POLE: variants seen among roughly 807,000 people sequenced by gnomAD.
The protein encoded by POLE is DNA polymerase epsilon, catalytic subunit, also known as DNA polymerase epsilon catalytic subunit A.
Under a neutral mutation model 279.2 loss-of-function variants are expected in POLE, and 188 were observed. That is an observed-to-expected ratio of 0.67 (90% confidence interval 0.60 to 0.76). POLE has a LOEUF of 0.76. Among genes scored for constraint, POLE ranks in the 30% least tolerant of loss-of-function variants. POLE has a pLI of 0.00. For synonymous variants in POLE, 1,214 were observed against 1,172.5 expected (o/e 1.04, Z -0.72); for missense variants, 2,703 against 3,016.7 (o/e 0.90, Z 2.44).
rs1398868897 is a variant in POLE, at chr12:132,635,963, G to C, written c.5740C>G (p.Leu1914Val). Residue 1914 changes from leucine to valine, a missense_variant, in exon 42 of 49, where the codon CTT becomes GTT. Coordinates refer to ENST00000320574, the MANE Select transcript of POLE (RefSeq NM_006231.4). ...TISFSRCWEF[L>V]LWMDPSNYGG... is the part of the protein sequence containing the mutation. ...TAGTTAGATGGATCCATCCAGAGAA[G>C]AAATTCCCAGCATCGAGAGAAAGAA... 6.2e-7 allele frequency: 1 copy of C among 1,613,986 alleles called. No individual in the cohort carries two copies. Among genetic ancestry groups the C allele is most frequent in the Non-Finnish European group, 8.5e-7 (1 of 1,179,850 alleles).
intron 45 of POLE, among the ~76,000 whole-genome samples, chr12:132,630,011 G>T (rs537873135): frequency 5.7e-4 from 87 of 152,280 alleles, no homozygotes; most frequent in African/African-American, 2.0e-3. Flanking sequence ...AAGGAGAAAG[G>T]GCGAGATGGC....
intron 12 of POLE, 58 bp from the exon 13 acceptor site, chr12:132,673,765 C>G (rs967102643): frequency 6.2e-7 from 1 of 1,601,498 alleles, no homozygotes; most frequent in East Asian, 2.2e-5. Flanking sequence ...CCGGGAACCC[C>G]TGAGAACTGG....
At position 132,649,846 on chromosome 12, in the gene POLE, G is replaced by A. The variant is rs1593751440; in HGVS notation, c.3626C>T (p.Ala1209Val). The change falls in exon 30 of 49, where the codon GCT (alanine) becomes GTT (valine). Residue 1209 changes from alanine (A) to valine (V), a missense_variant. Ala to Val is a moderately conservative substitution (Grantham distance 64). This residue lies in a region of POLE where 1,551 missense variants were observed against 1,686.1 expected (regional missense o/e 0.92). Coordinates refer to ENST00000320574, the MANE Select transcript of POLE (RefSeq NM_006231.4). ...EASEDSPRPS[A>V]PDMEDFGLVK... ...GAGGCCGAAGTCCTCCATGTCAGGA[G>A]CACTTGGCCTCGGACTGTCTTCTGA... 1 of 1,614,136 alleles carries A rather than the reference G, an allele frequency of 6.2e-7. No homozygotes were observed. The highest frequency in any genetic ancestry group is 1.3e-5 in the African/African-American group (1 of 75,060).
Position 132,668,105 on chromosome 12 carries a change from G to A in POLE, c.2173+251C>T, listed in dbSNP as rs1384276108. Among the ~76,000 whole-genome samples, 2 of 151,788 alleles carry A rather than the reference G, an allele frequency of 1.3e-5. No individual in the cohort carries two copies. The highest frequency in any genetic ancestry group is 4.8e-5 in the African/African-American group (2 of 41,276). ...TTCAAAAAAAAAAAGAAAGAAATAG[G>A]ACAGCCCAGGGGTAGGAACAGGCCA... On this transcript the variant is annotated intron_variant, in intron 19 of 48. Transcript: ENST00000320574. The surrounding 1 kb of genome is among the most constrained non-coding windows in gnomAD (Gnocchi z 4.0).
Position 132,675,605 on chromosome 12 carries a change from C to A in POLE, c.1107-88G>T, listed in dbSNP as rs573951335. 9 of 1,589,464 alleles carry A rather than the reference C, an allele frequency of 5.7e-6. No individual in the cohort carries two copies. The African/African-American group carries it at 1.2e-4, about 21-fold the overall frequency. ...TTCCTCCCTCAGACCCAGGGAGGAA[C>A]CCAGACACGGGAGGTGCAGAGTGAA... On this transcript the variant is annotated intron_variant, in intron 11 of 48. Coordinates refer to ENST00000320574, the MANE Select transcript of POLE (RefSeq NM_006231.4). This position sits in a 1 kb window ranked among gnomAD's most constrained non-coding sequence, Gnocchi z 4.3.
intron 45 of POLE, among the ~76,000 whole-genome samples, chr12:132,630,962 A>G (rs1230440224): frequency 6.6e-6 from 1 of 152,218 alleles, no homozygotes; most frequent in Non-Finnish European, 1.5e-5. Flanking sequence ...AAATGACCTC[A>G]GAGAATTGAA....
At position 132,676,573 on chromosome 12, in the gene POLE, C is replaced by T. The variant is rs774328855; in HGVS notation, c.882G>A (p.Met294Ile). 6.2e-6 allele frequency: 10 copies of T among 1,613,822 alleles called. No individual in the cohort carries two copies. The highest frequency in any genetic ancestry group is 8.5e-6 in the Non-Finnish European group (10 of 1,179,712). ...KFPDAETDQIMMISYMIDGQG... is the reference protein window; with the variant it reads ...KFPDAETDQIIMISYMIDGQG... The stretch of plus-strand genomic sequence containing the variant: ...GGCCATCGATCATGTAGGAAATCAT[C>T]ATAATCTGGTCTGTCTCAGCATCAG... Residue 294 changes from methionine (M) to isoleucine (I), a missense_variant, in exon 9 of 49, where the codon ATG becomes ATA. Met to Ile is a conservative substitution (Grantham distance 10). Transcript: ENST00000320574.
At position 132,675,257 on chromosome 12, in the gene POLE, G is replaced by T; in HGVS notation, c.1226+141C>A. The T allele has an allele frequency of 9.8e-7, 1 of 1,015,870 alleles. No individual in the cohort carries two copies. Among genetic ancestry groups the T allele is most frequent in the Non-Finnish European group, 1.4e-6 (1 of 702,800 alleles). The allele number at this position is 1,015,870 out of a possible 1,614,324, so 62.9% of individuals were successfully genotyped here. A position where few individuals can be genotyped will look rare whatever the true frequency, so the allele number is the denominator to read the frequency against. Reference sequence around the variant, plus strand: ...CCCGGGCCCTGGCAGGGTTGCAGCTGCCATACTCTTGGGTGACCTGAAACG... The same window carrying T: ...CCCGGGCCCTGGCAGGGTTGCAGCTTCCATACTCTTGGGTGACCTGAAACG... On this transcript the variant is annotated intron_variant, in intron 12 of 48. Coordinates refer to ENST00000320574, the MANE Select transcript of POLE (RefSeq NM_006231.4). This position sits in a 1 kb window ranked among gnomAD's most constrained non-coding sequence, Gnocchi z 4.3.
intron 41 of POLE, among the ~76,000 whole-genome samples, chr12:132,636,880 G>A (rs990015791): frequency 6.6e-6 from 1 of 152,254 alleles, no homozygotes; most frequent in Non-Finnish European, 1.5e-5. Flanking sequence ...TCCTGCAGGA[G>A]AACTTTATGT....
At chr12:132,652,808 G>A (rs554947425) in intron 29 of POLE, among the ~76,000 whole-genome samples, 16 of 152,270 alleles carry the variant, frequency 1.1e-4, no homozygotes, top group Non-Finnish European at 2.4e-4. Context: ...ATCTTGTCAA[G>A]ATGCCATGAT....
At chr12:132,667,373 A>C (rs766698547) in intron 20 of POLE, 130 bp downstream of exon 20, 1 of 956,192 alleles carries the variant, frequency 1.0e-6, no homozygotes, top group Non-Finnish European at 1.6e-6. Flanking sequence ...GTCAAAAACA[A>C]TTGCACGTTA....
chr12:132,679,973 G>A lies in POLE; in HGVS notation c.404C>T (p.Pro135Leu). Reference protein sequence around the residue: ...QGKIAKVETVPKEDLDLPNHL... With the variant: ...QGKIAKVETVLKEDLDLPNHL... ...ACTCACCAAGTCCAGATCCTCTTTGGGGACAGTCTCCACTTTTGCAATTTT... is the reference window on the plus strand; with the variant it reads ...ACTCACCAAGTCCAGATCCTCTTTGAGGACAGTCTCCACTTTTGCAATTTT... The change falls in exon 5 of 49, where the codon CCC becomes CTC. Residue 135 changes from proline (P) to leucine (L), a missense_variant. Physicochemically the swap from Pro to Leu is moderately conservative, Grantham distance 98 (BLOSUM62 -3). Around this residue, in one of 5 missense-constraint regions of POLE, gnomAD observed 1,011 missense variants for 1,111.7 expected, o/e 0.91. Coordinates refer to ENST00000320574, the MANE Select transcript of POLE (RefSeq NM_006231.4). The A allele has an allele frequency of 6.2e-7, 1 of 1,613,136 alleles. No individual in the cohort carries two copies. Among genetic ancestry groups the A allele is most frequent in the South Asian group, 1.1e-5 (1 of 91,016 alleles).
At chr12:132,651,867 C>T (rs6560896) in intron 29 of POLE, among the ~76,000 whole-genome samples, 76,366 of 152,114 alleles carry the variant, frequency 0.5, 19,828 homozygotes, top group East Asian at 0.7. Context: ...GGAGGGAGCT[C>T]GGAAGTGGCT....
chr12:132,630,451 A>G (rs1308198989), intron 45 of POLE, among the ~76,000 whole-genome samples: 1 of 152,210 alleles, frequency 6.6e-6, no homozygotes, highest in Non-Finnish European at 1.5e-5. Flanking sequence ...AAAGAAGCCC[A>G]TTAAAAAATG....
intron 12 of POLE, among the ~76,000 whole-genome samples, chr12:132,674,158 T>A (rs2042992021): frequency 6.7e-6 from 1 of 150,258 alleles, no homozygotes; most frequent in Non-Finnish European, 1.5e-5. Flanking sequence ...CCAAGAAGAA[T>A]AAAAATTTAA....
chr12:132,664,512 G>C lies in POLE; in HGVS notation c.2469-50C>G, dbSNP rs745363816. 3 of 1,412,182 alleles carry C rather than the reference G, an allele frequency of 2.1e-6. No homozygotes were observed. The highest frequency in any genetic ancestry group is 3.0e-6 in the Non-Finnish European group (3 of 998,960). The allele number at this position is 1,412,182 out of a possible 1,614,324, so 87.5% of individuals were successfully genotyped here. ...GGTGGGGCTGGCATGGCTCCTCCAGGGGGTATCAGAGGCAGTGAGGAGTAG... is the reference window on the plus strand; with the variant it reads ...GGTGGGGCTGGCATGGCTCCTCCAGCGGGTATCAGAGGCAGTGAGGAGTAG... On this transcript the variant is annotated intron_variant, in intron 21 of 48. Transcript: ENST00000320574. The surrounding 1 kb of genome is among the most constrained non-coding windows in gnomAD (Gnocchi z 5.3).
Position 132,677,371 on chromosome 12 carries a change from C to T in POLE, c.793G>A (p.Glu265Lys). 6.2e-7 allele frequency: 1 copy of T among 1,613,740 alleles called. No individual in the cohort carries two copies. Among genetic ancestry groups the T allele is most frequent in the Non-Finnish European group, 8.5e-7 (1 of 1,179,668 alleles). ...VEITRRDDLV[E>K]RPDPVVLAFD... Reference sequence around the variant, plus strand: ...ACACAAGCAAAACTTACAGGTCGTTCAACAAGGTCATCTCGGCGGGTGATT... The same window carrying T: ...ACACAAGCAAAACTTACAGGTCGTTTAACAAGGTCATCTCGGCGGGTGATT... The change falls in exon 8 of 49, where the codon GAA becomes AAA. Residue 265 changes from glutamate to lysine, a missense_variant. Transcript: ENST00000320574.
chr12:132,642,596 A>C lies in POLE; in HGVS notation c.4862T>G (p.Val1621Gly), dbSNP rs534387116. 1.9e-5 allele frequency: 31 copies of C among 1,613,476 alleles called. 1 individual carries two copies. In the South Asian group the frequency reaches 3.2e-4, roughly 17 times the overall value. The change falls in exon 37 of 49, where the codon GTC becomes GGC. Residue 1621 changes from valine (V) to glycine (G), a missense_variant. Val to Gly is a moderately radical substitution (Grantham distance 109, BLOSUM62 -3). Around this residue, in one of 5 missense-constraint regions of POLE, gnomAD observed 1,551 missense variants for 1,686.1 expected, o/e 0.92. Transcript: ENST00000320574. ...ICVADKINYG[V>G]LDWQRHGARR... ...GGCTCCATGGCGCTGCCAGTCCAGG[A>C]CCCCATAGTTGATCTTGTCAGCCAC... is the stretch of plus-strand genomic sequence containing the variant.
rs2042003573 is a variant in POLE at position 132,634,849 on chromosome 12, A to G, written c.5812-471T>C. On this transcript the variant is annotated intron_variant, in intron 42 of 48. Transcript: ENST00000320574. The surrounding 1 kb of genome is among the most constrained non-coding windows in gnomAD (Gnocchi z 4.0). ...TGCCACCTGCCCTGACCACACGCTG[A>G]TCCCCTCCTCAGAGCGGTCTACACT... 6.6e-6 allele frequency among the ~76,000 whole-genome samples: 1 copy of G among 152,022 alleles called. No homozygotes were observed. The highest frequency in any genetic ancestry group is 1.5e-5 in the Non-Finnish European group (1 of 68,008).
Sources: gnomAD v4.1 joint callset for allele counts (sites outside exome capture counted in the v4.1 genomes callset) on GRCh38, gnomAD v4.1.1 for gene constraint, gnomAD v4.1.1 regional missense constraint, Gnocchi (gnomAD v3.1) non-coding constraint, MANE v1.5 for transcripts, NCBI Gene and HGNC (gene_info 2026-07-23, HGNC 2026-07-21) for gene names.